ANO3: variants seen among roughly 807,000 people sequenced by gnomAD.
ANO3 encodes anoctamin-3.
ANO3 carries 99 observed loss-of-function variants against 144.8 expected under a neutral mutation model. The observed-to-expected ratio is 0.68, with a 90% CI of 0.58 to 0.81. The LOEUF (loss-of-function observed/expected upper bound fraction) is 0.81. Ranked by LOEUF, ANO3 falls within the 30% of genes least tolerant of loss-of-function variation. The pLI, the probability that ANO3 is intolerant of heterozygous loss-of-function variation, is 0.00. For synonymous variants in ANO3, 414 were observed against 392.6 expected, an observed-to-expected ratio of 1.05 and a Z score of -0.64; for missense variants, 905 against 1,202.2, an observed-to-expected ratio of 0.75 and a Z score of 3.66.
chr11:26,524,532 G>T (rs1849115301), intron 6 of ANO3, among the ~76,000 whole-genome samples: 1 of 149,010 alleles, frequency 6.7e-6, no homozygotes, highest in Non-Finnish European at 1.5e-5. Context: ...CAGCATAGAG[G>T]AGCTTACTGA....
chr11:26,506,071 A>T (rs1055079953), intron 4 of ANO3, among the ~76,000 whole-genome samples: 4 of 151,688 alleles, frequency 2.6e-5, no homozygotes, highest in Admixed American at 6.6e-5. Flanking sequence ...TGACATTGTT[A>T]AAAAAAAGTG....
chr11:26,504,465 C>T (rs10767542), intron 4 of ANO3, among the ~76,000 whole-genome samples: 87,713 of 151,964 alleles, frequency 0.58, 25,862 homozygotes, highest in East Asian at 0.68. Flanking sequence ...AATTTCTTAC[C>T]TTCGTAAACT....
intron 4 of ANO3, among the ~76,000 whole-genome samples, chr11:26,504,047 G>C (rs773830525): frequency 6.6e-6 from 1 of 152,092 alleles, no homozygotes; most frequent in Non-Finnish European, 1.5e-5. Flanking sequence ...TATACTTTAA[G>C]AAAACGTGGA....
chr11:26,468,422 A>T (rs922041186), intron 4 of ANO3, among the ~76,000 whole-genome samples: 1 of 151,992 alleles, frequency 6.6e-6, no homozygotes, highest in Admixed American at 6.6e-5. Flanking sequence ...AGACAAGGAA[A>T]ATCTGGACAT....
chr11:26,361,084 G>C (rs893460072), intron 1 of ANO3, among the ~76,000 whole-genome samples: 1 of 152,126 alleles, frequency 6.6e-6, no homozygotes, highest in African/African-American at 2.4e-5. Context: ...GTCAGGAAAA[G>C]CCAGTTTAAC....
At chr11:26,587,214 C>T (rs922424860) in intron 14 of ANO3, among the ~76,000 whole-genome samples, 5 of 152,118 alleles carry the variant, frequency 3.3e-5, no homozygotes, top group Non-Finnish European at 5.9e-5. Context: ...TCAAATCTGG[C>T]GGATGACTTA....
chr11:26,330,857 T>G (rs1021859572), upstream of ANO3, among the ~76,000 whole-genome samples: 4 of 152,202 alleles, frequency 2.6e-5, no homozygotes, highest in East Asian at 1.9e-4. Context: ...GTTTGGAAAT[T>G]TCTGCATATT....
chr11:26,499,548 C>T (rs1861105585), intron 4 of ANO3, among the ~76,000 whole-genome samples: 1 of 151,394 alleles, frequency 6.6e-6, no homozygotes. Context: ...ATTGAGTAGT[C>T]CACTATATCC....
At chr11:26,201,533 G>C (rs1228697457) in intron 1 of ANO3, among the ~76,000 whole-genome samples, 2 of 151,968 alleles carry the variant, frequency 1.3e-5, no homozygotes, top group Admixed American at 1.3e-4. Context: ...ATAGAGAAAA[G>C]ATGAGAAGAG....
At chr11:26,231,257 C>T (rs889107160) in intron 1 of ANO3, among the ~76,000 whole-genome samples, 3 of 152,134 alleles carry the variant, frequency 2.0e-5, no homozygotes, top group African/African-American at 4.8e-5. Flanking sequence ...GGTCTGACCT[C>T]GGGAGCCTTG....
chr11:26,330,956 G>A (rs1042897198), upstream of ANO3, among the ~76,000 whole-genome samples: 7 of 152,202 alleles, frequency 4.6e-5, no homozygotes, highest in Non-Finnish European at 1.0e-4. Context: ...CTCTCACGAT[G>A]TGTCTGTTCA....
At chr11:26,654,995 G>GC (rs112803558) in intron 24 of ANO3, among the ~76,000 whole-genome samples, 3,673 of 152,144 alleles carry the variant, frequency 0.024, 55 homozygotes, top group South Asian at 0.04. Context: ...TTATCTTTCT[G>GC]CCCCCACTGC....
intron 14 of ANO3, among the ~76,000 whole-genome samples, chr11:26,573,848 T>C (rs1211220177): frequency 6.6e-6 from 1 of 152,186 alleles, no homozygotes; most frequent in Non-Finnish European, 1.5e-5. Flanking sequence ...ACTTATAAAA[T>C]GTAAACTGTA....
chr11:26,208,095 TC>T (rs1316901714), intron 1 of ANO3: 2 of 152,190 alleles, frequency 1.3e-5, no homozygotes, highest in East Asian at 3.9e-4. Context: ...GAGAAGTCTT[TC>T]TTGAATCTCA....
intron 4 of ANO3, among the ~76,000 whole-genome samples, chr11:26,488,963 C>A (rs1860585509): frequency 1.3e-5 from 2 of 152,138 alleles, no homozygotes; most frequent in Admixed American, 6.6e-5. Flanking sequence ...TTACAGAGTG[C>A]TGATTGGTGC....
rs77929393 is a variant in ANO3, at chr11:26,605,535, G to A, written c.1836+5821G>A. ...CCTCTTTGTACCTCTGGTAGAATTC[G>A]GCTGTGAATCCATCTGGTCCTGGGC... On this transcript the variant is annotated intron_variant, in intron 17 of 26. Transcript: ENST00000256737. Among the ~76,000 whole-genome samples, 527 of 152,200 alleles carry A rather than the reference G, an allele frequency of 3.5e-3. 26 individuals are homozygous for A. The East Asian group carries it at 0.083, about 24-fold the overall frequency.
At chr11:26,565,954 T>A in intron 14 of ANO3, 1 of 1,379,610 alleles carries the variant, frequency 7.2e-7, no homozygotes, top group Non-Finnish European at 9.7e-7. Context: ...AGTTTTTAAA[T>A]GGATCTATAT....
chr11:26,380,433 A>G (rs530789479), intron 1 of ANO3, among the ~76,000 whole-genome samples: 1 of 152,308 alleles, frequency 6.6e-6, no homozygotes, highest in South Asian at 2.1e-4. Context: ...ACAGAAATGT[A>G]TTGCTCACAG....
chr11:26,304,844 G>A (rs1564957302), upstream of ANO3, among the ~76,000 whole-genome samples: 1 of 152,048 alleles, frequency 6.6e-6, no homozygotes, highest in African/African-American at 2.4e-5. Flanking sequence ...AGATTACTGA[G>A]TTAGAGTGAA....
Sources: allele counts gnomAD v4.1 joint callset (sites outside exome capture counted in the v4.1 genomes callset), GRCh38; gene constraint gnomAD v4.1.1; transcripts MANE v1.5; gene names NCBI Gene and HGNC (gene_info 2026-07-23, HGNC 2026-07-21).